The following TMEM65 variants were observed in gnomAD, a reference collection of about 807,000 sequenced individuals.
TMEM65 encodes the protein transmembrane protein 65.
Under a neutral mutation model 25.4 loss-of-function variants are expected in TMEM65, and 22 were observed. The ratio of observed to expected loss-of-function variants is 0.86; its 90% CI spans 0.62 to 1.23. The LOEUF (loss-of-function observed/expected upper bound fraction) is 1.23. TMEM65 is among the 50% of genes most tolerant of loss of function. The pLI, the probability that TMEM65 is intolerant of heterozygous loss-of-function variation, is 0.00. For synonymous variants in TMEM65, 132 were observed against 126.2 expected (o/e 1.05, Z -0.31); for missense variants, 262 against 308.2 (o/e 0.85, Z 1.12).
chr8:124,313,959 A>G lies in TMEM65; in HGVS notation c.*1T>C. 6.2e-7 allele frequency: 1 copy of G among 1,603,308 alleles called. No individual in the cohort carries two copies. Among genetic ancestry groups the G allele is most frequent in the Admixed American group, 1.7e-5 (1 of 59,810 alleles). On this transcript the variant is annotated 3_prime_UTR_variant, in exon 7 of 7. Transcript: ENST00000297632. ...ATCTTTTTATAGGTATTCTAAGAGG[A>G]TTAACTTTTCGTTTCCAGTTTTTCA...
At chr8:124,363,301 T>C (rs1814895331) in intron 1 of TMEM65, among the ~76,000 whole-genome samples, 1 of 152,188 alleles carries the variant, frequency 6.6e-6, no homozygotes, top group African/African-American at 2.4e-5. Flanking sequence ...ATGTTACTAA[T>C]ATATAGTCCA....
Position 124,345,724 on chromosome 8 carries a change from AAGG to A in TMEM65, c.305-14935_305-14933del, listed in dbSNP as rs538497655. On this transcript the variant is annotated intron_variant, in intron 1 of 6. Coordinates refer to ENST00000297632, the MANE Select transcript of TMEM65 (RefSeq NM_194291.3). ...CCTGAGACTGGGTAATTTATAAAGA[AAGG>A]AGGTTTATTATTTATTTATTTATTT... is the stretch of plus-strand genomic sequence containing the variant. Among the ~76,000 whole-genome samples, 163 of 137,362 alleles carry A rather than the reference AAGG, an allele frequency of 1.2e-3. 1 individual carries two copies. Among genetic ancestry groups the A allele is most frequent in the Non-Finnish European group, 1.3e-4 (8 of 60,420 alleles). The allele number at this position is 137,362 out of a possible 152,430, so 90.1% of individuals were successfully genotyped here.
chr8:124,330,634 A>T, intron 2 of TMEM65, 114 bp downstream of exon 2: 1 of 1,018,144 alleles, frequency 9.8e-7, no homozygotes, highest in Non-Finnish European at 1.4e-6. Context: ...AGGATAATCC[A>T]CTCTATCTGG....
At chr8:124,369,126 T>C (rs188650487) in intron 1 of TMEM65, among the ~76,000 whole-genome samples, 22 of 152,348 alleles carry the variant, frequency 1.4e-4, no homozygotes, top group Admixed American at 8.5e-4. Flanking sequence ...CAGCAGAATA[T>C]GGTCTGTTTC....
intron 2 of TMEM65, among the ~76,000 whole-genome samples, chr8:124,329,477 T>A (rs530092232): frequency 6.6e-6 from 1 of 152,096 alleles, no homozygotes; most frequent in South Asian, 2.1e-4. Context: ...TACAAATATC[T>A]TAAAATTAGG....
intron 2 of TMEM65, among the ~76,000 whole-genome samples, chr8:124,327,671 AAC>A (rs71289656): frequency 0.012 from 1,810 of 148,614 alleles, 28 homozygotes; most frequent in African/African-American, 0.034. Flanking sequence ...TCTTACTGGT[AAC>A]ACACACACAC....
intron 1 of TMEM65, among the ~76,000 whole-genome samples, chr8:124,360,429 C>CAA (rs55829098): frequency 0.059 from 4,144 of 70,180 alleles, 188 homozygotes; most frequent in Non-Finnish European, 0.079. Context: ...GACTCTGTCA[C>CAA]AAAAAAAAAA....
At chr8:124,342,290 C>T (rs1287257212) in intron 1 of TMEM65, among the ~76,000 whole-genome samples, 1 of 152,076 alleles carries the variant, frequency 6.6e-6, no homozygotes, top group African/African-American at 2.4e-5. Flanking sequence ...ATGTAAAGAA[C>T]TCTGAGAAGT....
At chr8:124,340,450 G>A (rs1220019583) in intron 1 of TMEM65, among the ~76,000 whole-genome samples, 1 of 152,118 alleles carries the variant, frequency 6.6e-6, no homozygotes, top group Non-Finnish European at 1.5e-5. Context: ...GATTTTTGAA[G>A]CTCACACGAC....
At chr8:124,355,467 T>C (rs948716695) in intron 1 of TMEM65, among the ~76,000 whole-genome samples, 1 of 152,230 alleles carries the variant, frequency 6.6e-6, no homozygotes, top group African/African-American at 2.4e-5. Flanking sequence ...ATTCAAAATA[T>C]GGTCCCTGGA....
intron 3 of TMEM65, among the ~76,000 whole-genome samples, chr8:124,324,926 G>T (rs920616657): frequency 6.6e-6 from 1 of 151,866 alleles, no homozygotes; most frequent in Non-Finnish European, 1.5e-5. Flanking sequence ...ATCTACTCTA[G>T]AATTCTAATA....
chr8:124,360,983 C>A (rs1302655285), intron 1 of TMEM65, among the ~76,000 whole-genome samples: 1 of 152,108 alleles, frequency 6.6e-6, no homozygotes, highest in Non-Finnish European at 1.5e-5. Flanking sequence ...ATTCATATGG[C>A]ACAGAAAGGT....
At chr8:124,346,800 A>G (rs1468058879) in intron 1 of TMEM65, among the ~76,000 whole-genome samples, 1 of 152,200 alleles carries the variant, frequency 6.6e-6, no homozygotes, top group Non-Finnish European at 1.5e-5. Context: ...TTATGAAAAT[A>G]ATAGATATTA....
At chr8:124,340,325 T>G (rs1009066048) in intron 1 of TMEM65, among the ~76,000 whole-genome samples, 1 of 152,278 alleles carries the variant, frequency 6.6e-6, no homozygotes, top group Admixed American at 6.5e-5. Flanking sequence ...ATTTTCTATT[T>G]CCTTATGATA....
rs377175227 is a variant in TMEM65 at position 124,360,213 on chromosome 8, G to A, written c.304+11641C>T. 1.5e-4 allele frequency among the ~76,000 whole-genome samples: 23 copies of A among 152,004 alleles called. No homozygotes were observed. In the South Asian group the frequency reaches 4.2e-3, roughly 27 times the overall value. On this transcript the variant is annotated intron_variant, in intron 1 of 6. Coordinates refer to ENST00000297632, the MANE Select transcript of TMEM65 (RefSeq NM_194291.3). ...TGGGAGGTCGAGGCAGGCAGATCACGAGGTCAGGAGATCAAGACCATCCTG... is the reference window on the plus strand; with the variant it reads ...TGGGAGGTCGAGGCAGGCAGATCACAAGGTCAGGAGATCAAGACCATCCTG...
intron 1 of TMEM65, among the ~76,000 whole-genome samples, chr8:124,336,627 G>GT (rs947187311): frequency 1.0e-3 from 159 of 152,030 alleles, no homozygotes; most frequent in African/African-American, 3.8e-3. Flanking sequence ...TTCAAACTGA[G>GT]TAACAATGAA....
At chr8:124,322,184 GAAT>G (rs755324171) in intron 4 of TMEM65, 37 bp from the exon 5 acceptor site, 3 of 1,473,918 alleles carry the variant, frequency 2.0e-6, no homozygotes, top group African/African-American at 1.4e-5. Flanking sequence ...TTACATAAAA[GAAT>G]AATAATTATA....
chr8:124,363,207 G>A (rs1398103971), intron 1 of TMEM65, among the ~76,000 whole-genome samples: 1 of 152,118 alleles, frequency 6.6e-6, no homozygotes, highest in Non-Finnish European at 1.5e-5. Context: ...TAAGAAACAA[G>A]CTTATCTGGT....
chr8:124,315,743 G>A lies in TMEM65; in HGVS notation c.622-1682C>T, dbSNP rs565677729. Among the ~76,000 whole-genome samples the A allele has an allele frequency of 2.6e-5, 4 of 152,202 alleles. No homozygotes were observed. In the South Asian group the frequency reaches 6.2e-4, roughly 24 times the overall value. On this transcript the variant is annotated intron_variant, in intron 6 of 6. Coordinates refer to ENST00000297632, the MANE Select transcript of TMEM65 (RefSeq NM_194291.3). ...GTGGTGGTAGTGGTATTAGTAGTAT[G>A]ACCACTGCTTGATATTAATAGTCAA...
Sources: gnomAD v4.1 joint callset for allele counts (sites outside exome capture counted in the v4.1 genomes callset) on GRCh38, gnomAD v4.1.1 for gene constraint, MANE v1.5 for transcripts, NCBI Gene and HGNC (gene_info 2026-07-23, HGNC 2026-07-21) for gene names.